The following CNOT10 variants were observed in gnomAD, a reference collection of about 807,000 sequenced individuals.
CNOT10 encodes the protein CCR4-NOT transcription complex subunit 10, also known as CCR4-NOT transcription complex, subunit 10.
A neutral mutation model predicts 94.6 loss-of-function variants in CNOT10; 30 were observed. That is an observed-to-expected ratio of 0.32 (90% CI 0.24 to 0.43). CNOT10 has a LOEUF of 0.43. Ranked by LOEUF, CNOT10 falls within the 20% of genes least tolerant of loss-of-function variation. The probability of loss-of-function intolerance (pLI) is 1.00; values close to 1 mark genes in which losing one functional copy is unlikely to be tolerated. For missense variants in CNOT10, 759 were observed against 877.2 expected (o/e 0.87, Z 1.70); for synonymous variants, 289 against 301.6 (o/e 0.96, Z 0.43).
chr3:32,760,113 C>T (rs1386936927), intron 14 of CNOT10, among the ~76,000 whole-genome samples: 1 of 38,274 alleles, frequency 2.6e-5, no homozygotes, highest in Non-Finnish European at 5.5e-5. Flanking sequence ...ACCCAGGAGT[C>T]AGAGGTTGCA....
chr3:32,754,897 CAA>C (rs1212573196), intron 13 of CNOT10, among the ~76,000 whole-genome samples: 2 of 113,606 alleles, frequency 1.8e-5, no homozygotes, highest in Non-Finnish European at 1.9e-5. Context: ...AGGACCATTA[CAA>C]AAAAAAAAAA....
chr3:32,732,669 G>A (rs1699014687), intron 10 of CNOT10, among the ~76,000 whole-genome samples: 2 of 151,880 alleles, frequency 1.3e-5, no homozygotes, highest in Non-Finnish European at 1.5e-5. Context: ...TCACACTCCT[G>A]GTTTCAAGTG....
intron 1 of CNOT10, among the ~76,000 whole-genome samples, chr3:32,686,830 G>C (rs1235486682): frequency 1.3e-5 from 2 of 152,284 alleles, no homozygotes; most frequent in African/African-American, 2.4e-5. Flanking sequence ...AGCCCATCCA[G>C]TTTTCAAATC....
chr3:32,698,399 A>G (rs1425338990), intron 1 of CNOT10, among the ~76,000 whole-genome samples: 1 of 152,146 alleles, frequency 6.6e-6, no homozygotes, highest in Non-Finnish European at 1.5e-5. Context: ...CGTTGTTATA[A>G]GTGGTGACTC....
chr3:32,718,583 C>CAAAAAAAAA (rs368048572), intron 7 of CNOT10, among the ~76,000 whole-genome samples: 1 of 74,044 alleles, frequency 1.4e-5, no homozygotes, highest in African/African-American at 5.6e-5. Flanking sequence ...GACTCATTCT[C>CAAAAAAAAA]AAAAAAAAAA....
chr3:32,770,389 G>A (rs1193936068), intron 18 of CNOT10, among the ~76,000 whole-genome samples: 1 of 126,566 alleles, frequency 7.9e-6, no homozygotes, highest in African/African-American at 3.0e-5. Context: ...GCAGTGGCGC[G>A]ATCTCGGCTC....
At chr3:32,755,320 T>C (rs1700177029) in intron 13 of CNOT10, among the ~76,000 whole-genome samples, 2 of 135,220 alleles carry the variant, frequency 1.5e-5, no homozygotes, top group Non-Finnish European at 3.2e-5. Context: ...TTTCTTTTTC[T>C]TTTTTTTTTT....
intron 9 of CNOT10, among the ~76,000 whole-genome samples, chr3:32,726,612 C>T (rs532146115): frequency 4.0e-4 from 61 of 151,372 alleles, no homozygotes; most frequent in Admixed American, 2.2e-3. Context: ...AGGATAATGG[C>T]GTGTACCCAG....
intron 13 of CNOT10, among the ~76,000 whole-genome samples, chr3:32,741,637 C>T (rs1377520926): frequency 6.6e-6 from 1 of 151,922 alleles, no homozygotes; most frequent in Non-Finnish European, 1.5e-5. Context: ...GGCATGGTGG[C>T]GTGCACCTGT....
chr3:32,768,964 GAAACTTCTTCCTTTCT>G (rs1700780229), intron 17 of CNOT10: 1 of 152,216 alleles, frequency 6.6e-6, no homozygotes, highest in Non-Finnish European at 1.5e-5. Context: ...CTGTTTGAAA[GAAACTTCTTCCTTTCT>G]CTCCATATTC....
rs1410887182 is a variant in CNOT10, at chr3:32,685,406, G to A, written c.-55G>A. 1.3e-6 allele frequency: 2 copies of A among 1,548,046 alleles called. No individual in the cohort carries two copies. The highest frequency in any genetic ancestry group is 1.2e-5 in the South Asian group (1 of 83,964). ...GGTCCAGGACAGCGGCCAGCCCGGC[G>A]GCGGGAGTCAGGGCCACGCCACCTG... On this transcript the variant is annotated 5_prime_UTR_variant, in exon 1 of 19. Coordinates refer to ENST00000328834, the MANE Select transcript of CNOT10 (RefSeq NM_015442.3).
At chr3:32,753,390 GAA>G in intron 13 of CNOT10, 3 of 1,399,372 alleles carry the variant, frequency 2.1e-6, no homozygotes, top group Non-Finnish European at 3.0e-6. Flanking sequence ...AATGTTCAAA[GAA>G]TGATGTAAAT....
chr3:32,712,665 G>A (rs1697945322), intron 4 of CNOT10, among the ~76,000 whole-genome samples: 1 of 152,094 alleles, frequency 6.6e-6, no homozygotes, highest in Non-Finnish European at 1.5e-5. Context: ...GGGCAACATA[G>A]TGAAACCCTG....
chr3:32,720,641 C>T (rs1199256921), intron 8 of CNOT10, among the ~76,000 whole-genome samples: 2 of 151,984 alleles, frequency 1.3e-5, no homozygotes, highest in Non-Finnish European at 2.9e-5. Context: ...TATAGGCATG[C>T]ACCACCATGC....
chr3:32,733,455 CA>C lies in CNOT10; in HGVS notation c.1254del (p.Gly419GlufsTer15). 6.3e-7 allele frequency: 1 copy of C among 1,595,088 alleles called. No homozygotes were observed. Among genetic ancestry groups the C allele is most frequent in the Admixed American group, 1.7e-5 (1 of 57,878 alleles). On this transcript the variant is annotated frameshift_variant, in exon 11 of 19. Coordinates refer to ENST00000328834, the MANE Select transcript of CNOT10 (RefSeq NM_015442.3). LOFTEE classifies it high-confidence loss of function. ...AACAAGAAACTAAAGGCCTTCCCAG[CA>C]AAAAAGGAATTGTACAGTCTATTGT... ...SEQETKGLPS[K>X]KGIVQSIVGQ...
At position 32,708,752 on chromosome 3, in the gene CNOT10, A is replaced by T. The variant is rs1697737738; in HGVS notation, c.362A>T (p.Tyr121Phe). The T allele has an allele frequency of 6.2e-7, 1 of 1,613,656 alleles. No individual in the cohort carries two copies. Among genetic ancestry groups the T allele is most frequent in the African/African-American group, 1.3e-5 (1 of 75,040 alleles). The change falls in exon 4 of 19, where the codon TAT (tyrosine) becomes TTT (phenylalanine). Residue 121 changes from tyrosine to phenylalanine, a missense_variant. This residue lies in a region of CNOT10 where 682 missense variants were observed against 799.4 expected (regional missense o/e 0.85). Coordinates refer to ENST00000328834, the MANE Select transcript of CNOT10 (RefSeq NM_015442.3). ...TACTATAATCAAGCAGTCATTCTTT[A>T]TCATCTGCGGCAGTATACAGAAGCC... ...MLYYNQAVILYHLRQYTEAIS... is the reference protein window; with the variant it reads ...MLYYNQAVILFHLRQYTEAIS...
chr3:32,761,237 A>G (rs1220128744), intron 14 of CNOT10, among the ~76,000 whole-genome samples: 1 of 152,142 alleles, frequency 6.6e-6, no homozygotes, highest in Non-Finnish European at 1.5e-5. Context: ...TCAGGCCTGG[A>G]GATGGGGAAG....
intron 1 of CNOT10, among the ~76,000 whole-genome samples, chr3:32,694,603 G>GT (rs1696974821): frequency 6.6e-6 from 1 of 151,860 alleles, no homozygotes; most frequent in African/African-American, 2.4e-5. Context: ...TTGTTTGTTT[G>GT]TTTTTTGAGG....
intron 1 of CNOT10, among the ~76,000 whole-genome samples, chr3:32,702,716 A>G (rs920333389): frequency 1.3e-5 from 2 of 152,124 alleles, no homozygotes; most frequent in African/African-American, 4.8e-5. Flanking sequence ...GTGGGACTGT[A>G]TATTGCTGGG....
Sources: gnomAD v4.1 joint callset for allele counts (sites outside exome capture counted in the v4.1 genomes callset) on GRCh38, gnomAD v4.1.1 for gene constraint, gnomAD v4.1.1 regional missense constraint, MANE v1.5 for transcripts, NCBI Gene and HGNC (gene_info 2026-07-23, HGNC 2026-07-21) for gene names.